The following HSPA12A variants were observed in gnomAD, a reference collection of about 807,000 sequenced individuals.
The protein encoded by HSPA12A is heat shock protein family A (Hsp70) member 12A, also known as heat shock 70 kDa protein 12A.
A neutral mutation model predicts 69.2 loss-of-function variants in HSPA12A; 28 were observed. That is an observed-to-expected ratio of 0.40 (90% confidence interval 0.30 to 0.55). HSPA12A has a LOEUF of 0.55. HSPA12A is among the 20% of genes least tolerant of loss of function. HSPA12A has a pLI of 0.38. For synonymous variants in HSPA12A, 345 were observed against 370.5 expected, an observed-to-expected ratio of 0.93 and a Z score of 0.79; for missense variants, 686 against 900.7, an observed-to-expected ratio of 0.76 and a Z score of 3.05.
intron 2 of HSPA12A, among the ~76,000 whole-genome samples, chr10:116,758,026 A>C (rs549100455): frequency 6.6e-6 from 1 of 152,200 alleles, no homozygotes. Flanking sequence ...CTCCACCCCC[A>C]CAACATTTTC....
intron 1 of HSPA12A, among the ~76,000 whole-genome samples, chr10:116,711,017 T>TGCAAAGGGTCA (rs1850409705): frequency 6.6e-6 from 1 of 151,670 alleles, no homozygotes; most frequent in Admixed American, 6.5e-5. Context: ...AGAAATAAAA[T>TGCAAAGGGTCA]ACAGAATATT....
intron 2 of HSPA12A, among the ~76,000 whole-genome samples, chr10:116,798,426 G>A (rs1430061286): frequency 1.3e-5 from 2 of 152,146 alleles, no homozygotes; most frequent in Admixed American, 6.5e-5. Flanking sequence ...ACTTAACCTC[G>A]CATAACTTCA....
chr10:116,823,942 G>A (rs1845453520), intron 2 of HSPA12A, among the ~76,000 whole-genome samples: 1 of 152,040 alleles, frequency 6.6e-6, no homozygotes, highest in African/African-American at 2.4e-5. Flanking sequence ...ATGCTTTGAA[G>A]GACATCATCA....
intron 9 of HSPA12A, 145 bp from the exon 10 acceptor site, chr10:116,679,906 C>T: frequency 1.4e-6 from 1 of 717,360 alleles, no homozygotes; most frequent in Non-Finnish European, 2.3e-6. Context: ...ACTTCAGAAC[C>T]CTGCGCTGCT....
intron 10 of HSPA12A, 22 bp downstream of exon 10, chr10:116,679,481 C>A: frequency 1.2e-6 from 2 of 1,609,476 alleles, no homozygotes; most frequent in Non-Finnish European, 1.7e-6. Flanking sequence ...GTCCAGAGCC[C>A]GAGGTGATGA....
chr10:116,735,148 TGTAA>T (rs1246505973), intron 1 of HSPA12A, among the ~76,000 whole-genome samples: 1 of 152,234 alleles, frequency 6.6e-6, no homozygotes, highest in African/African-American at 2.4e-5. Flanking sequence ...AACAAATAAT[TGTAA>T]GTGTCAGACA....
In HSPA12A at chr10:116,683,811, A is replaced by G; in HGVS notation, c.815T>C (p.Val272Ala). 2 of 1,567,960 alleles carry G rather than the reference A, an allele frequency of 1.3e-6. No individual in the cohort carries two copies. Among genetic ancestry groups the G allele is most frequent in the East Asian group, 4.5e-5 (2 of 43,972 alleles). ...AVNGYSGSDTVGAGFTQAKEH... is the reference protein window; with the variant it reads ...AVNGYSGSDTAGAGFTQAKEH... ...GGTACCCTGTGTAAACCCAGCTCCTACTGTGTCACTGCCGCTGTACCCATT... is the reference window on the plus strand; with the variant it reads ...GGTACCCTGTGTAAACCCAGCTCCTGCTGTGTCACTGCCGCTGTACCCATT... The change falls in exon 7 of 12, where the codon GTA (valine) becomes GCA (alanine). Residue 272 changes from valine (V) to alanine (A), a missense_variant. Coordinates refer to ENST00000369209, the MANE Select transcript of HSPA12A (RefSeq NM_025015.3).
chr10:116,831,513 G>C (rs557126748), intron 2 of HSPA12A: 1 of 152,170 alleles, frequency 6.6e-6, no homozygotes. Flanking sequence ...GCCAGATCTC[G>C]AAGGGCCACC....
At chr10:116,769,540 C>G (rs1019739849) in intron 2 of HSPA12A, among the ~76,000 whole-genome samples, 1 of 152,178 alleles carries the variant, frequency 6.6e-6, no homozygotes, top group Non-Finnish European at 1.5e-5. Flanking sequence ...CTGTCTGGCT[C>G]TCAATTTTAC....
rs548761915 is a variant in HSPA12A, at chr10:116,804,937, C to T, written c.91+29998G>A. Among the ~76,000 whole-genome samples the T allele has an allele frequency of 2.6e-5, 4 of 152,318 alleles. No homozygotes were observed. In the East Asian group the frequency reaches 5.8e-4, roughly 22 times the overall value. ...TCAAAAAAGATAGGCGAGCCTTGCACGTCCTGTGGGAAGGCACGGATAGTG... is the reference window on the plus strand; with the variant it reads ...TCAAAAAAGATAGGCGAGCCTTGCATGTCCTGTGGGAAGGCACGGATAGTG... On this transcript the variant is annotated intron_variant, in intron 2 of 12. Coordinates refer to the HSPA12A transcript ENST00000635765.
intron 2 of HSPA12A, chr10:116,834,847 T>C (rs955760092): frequency 2.9e-6 from 2 of 679,830 alleles, no homozygotes; most frequent in Middle Eastern, 4.9e-4. Flanking sequence ...GTTTTAAACA[T>C]ACCTAGTCCC....
upstream of HSPA12A, chr10:116,849,796 A>T: frequency 7.0e-7 from 1 of 1,434,876 alleles, no homozygotes; most frequent in Non-Finnish European, 9.2e-7. Context: ...CGCTGCGGCA[A>T]CGCCTTGCGC....
Position 116,706,432 on chromosome 10 carries a change from G to T in HSPA12A, c.126+768C>A, listed in dbSNP as rs73380060. ...CCCTCCCAGTTTGCCCAGGAATAAA[G>T]GAGTCCCCAGGGTGCAGGACTTGCA... On this transcript the variant is annotated intron_variant, in intron 2 of 11. Transcript: ENST00000369209. 9.9e-3 allele frequency among the ~76,000 whole-genome samples: 1,504 copies of T among 152,212 alleles called. 18 individuals are homozygous for T. Among genetic ancestry groups the T allele is most frequent in the African/African-American group, 0.035 (1,444 of 41,542 alleles).
At chr10:116,742,352 G>A in intron 1 of HSPA12A, 78 bp downstream of exon 1, 3 of 1,347,020 alleles carry the variant, frequency 2.2e-6, no homozygotes, top group Non-Finnish European at 2.9e-6. Context: ...GCGAGGGGGT[G>A]CGGAGCGTTG....
chr10:116,803,220 G>A (rs1021404891), intron 2 of HSPA12A, among the ~76,000 whole-genome samples: 6 of 152,260 alleles, frequency 3.9e-5, no homozygotes, highest in Non-Finnish European at 5.9e-5. Flanking sequence ...GGCAGGGGAC[G>A]AGAGGGTGTG....
intron 10 of HSPA12A, among the ~76,000 whole-genome samples, chr10:116,677,984 CTTTTT>C (rs5788184): frequency 6.7e-6 from 1 of 148,394 alleles, no homozygotes; most frequent in Non-Finnish European, 1.5e-5. Context: ...GAAATTGATT[CTTTTT>C]TTTTTTTTAA....
intron 2 of HSPA12A, among the ~76,000 whole-genome samples, chr10:116,775,728 G>A (rs1348619256): frequency 2.0e-5 from 3 of 152,150 alleles, no homozygotes; most frequent in Admixed American, 6.5e-5. Context: ...GAGGATTTGG[G>A]GACATCAGGG....
In HSPA12A at chr10:116,673,399, C is replaced by T. The variant is rs1285700575; in HGVS notation, c.*1382G>A. The T allele has an allele frequency of 4.6e-5, 7 of 152,180 alleles. No homozygotes were observed. The highest frequency in any genetic ancestry group is 3.9e-4 in the Admixed American group (6 of 15,282). The allele number at this position is 152,180 out of a possible 1,614,324, so 9.4% of individuals were successfully genotyped here. A position where few individuals can be genotyped will look rare whatever the true frequency, so the allele number is the denominator to read the frequency against. On this transcript the variant is annotated 3_prime_UTR_variant, in exon 12 of 12. Coordinates refer to ENST00000369209, the MANE Select transcript of HSPA12A (RefSeq NM_025015.3). ...AGGGCAAGGTATGGGGTCACCTTCT[C>T]ATGGAAGCCCTCTTCCTAAAGGAGC...
At chr10:116,688,381 A>G (rs1849639388) in intron 6 of HSPA12A, among the ~76,000 whole-genome samples, 1 of 152,246 alleles carries the variant, frequency 6.6e-6, no homozygotes, top group Non-Finnish European at 1.5e-5. Flanking sequence ...AATTCGGGGC[A>G]GCAGGAGCGA....
Sources: allele counts gnomAD v4.1 joint callset (sites outside exome capture counted in the v4.1 genomes callset), GRCh38; gene constraint gnomAD v4.1.1; transcripts MANE v1.5; gene names NCBI Gene and HGNC (gene_info 2026-07-23, HGNC 2026-07-21).